Variants in FAM76A observed in about 807,000 individuals in gnomAD.
FAM76A encodes protein FAM76A.
Under a neutral mutation model 46.2 loss-of-function variants are expected in FAM76A, and 32 were observed. The ratio of observed to expected loss-of-function variants is 0.69; its 90% confidence interval spans 0.52 to 0.93. FAM76A has a LOEUF of 0.93. FAM76A is among the 40% of genes least tolerant of loss of function. FAM76A has a pLI of 0.00. For synonymous variants in FAM76A, 137 were observed against 127.0 expected (o/e 1.08, Z -0.53); for missense variants, 274 against 361.5 (o/e 0.76, Z 1.96).
rs2088530110 is a variant in FAM76A at position 27,762,890 on chromosome 1, T to TA, written c.*2309_*2310insA. The TA allele has an allele frequency of 6.6e-6, 1 of 152,188 alleles. No individual in the cohort carries two copies. Among genetic ancestry groups the TA allele is most frequent in the Non-Finnish European group, 1.5e-5 (1 of 68,040 alleles). The allele number at this position is 152,188 out of a possible 1,614,324, so 9.4% of individuals were successfully genotyped here. A position where few individuals can be genotyped will look rare whatever the true frequency, so the allele number is the denominator to read the frequency against. On this transcript the variant is annotated 3_prime_UTR_variant, in exon 9 of 9. Coordinates refer to ENST00000373954, the MANE Select transcript of FAM76A (RefSeq NM_152660.3). ...TTAATATAAAGCAAATTCACACGTT[T>TA]TCTAACTTTCCATAAGTTCCAAAAA... is the stretch of plus-strand genomic sequence containing the variant.
At chr1:27,753,092 AGAGGTTGTGGTGAGCTG>A (rs1034410288) in intron 6 of FAM76A, among the ~76,000 whole-genome samples, 2 of 152,128 alleles carry the variant, frequency 1.3e-5, no homozygotes, top group Admixed American at 6.6e-5. Flanking sequence ...CCCAGGAGGC[AGAGGTTGTGGTGAGCTG>A]GAGGTTGTGG....
At chr1:27,759,764 A>AGGTTTTTTTTTTT in intron 8 of FAM76A, 137 bp downstream of exon 8, 1 of 566,668 alleles carries the variant, frequency 1.8e-6, no homozygotes. Context: ...TCCCCCTTTT[A>AGGTTTTTTTTTTT]GGTTTTTTTT....
Position 27,726,019 on chromosome 1 carries a change from C to G in FAM76A, c.-62C>G, listed in dbSNP as rs1268461508. 5 of 1,227,524 alleles carry G rather than the reference C, an allele frequency of 4.1e-6. No individual in the cohort carries two copies. The highest frequency in any genetic ancestry group is 5.1e-6 in the Non-Finnish European group (5 of 976,126). The allele number at this position is 1,227,524 out of a possible 1,614,324, so 76.0% of individuals were successfully genotyped here. The stretch of plus-strand genomic sequence containing the variant: ...CTGCAGCCGCCGCCGGGTTGTGCCT[C>G]AGACTGTCAGATAAATCGGCGGGCC... On this transcript the variant is annotated 5_prime_UTR_variant, in exon 1 of 9. Coordinates refer to ENST00000373954, the MANE Select transcript of FAM76A (RefSeq NM_152660.3).
intron 4 of FAM76A, among the ~76,000 whole-genome samples, chr1:27,742,469 G>A (rs779780756): frequency 2.2e-4 from 34 of 152,172 alleles, no homozygotes; most frequent in Non-Finnish European, 3.4e-4. Flanking sequence ...GCCACCACGA[G>A]GGACTGGGCC....
chr1:27,729,645 A>G (rs1002568176), intron 2 of FAM76A, among the ~76,000 whole-genome samples: 4 of 152,128 alleles, frequency 2.6e-5, no homozygotes, highest in African/African-American at 7.2e-5. Context: ...CTCCATCACT[A>G]TATCAATTCA....
Position 27,744,659 on chromosome 1 carries a change from T to TG in FAM76A, c.363dup (p.Lys122GlufsTer27). 6.2e-7 allele frequency: 1 copy of TG among 1,613,858 alleles called. No individual in the cohort carries two copies. Among genetic ancestry groups the TG allele is most frequent in the Non-Finnish European group, 8.5e-7 (1 of 1,179,864 alleles). On this transcript the variant is annotated frameshift_variant, in exon 5 of 9. Transcript: ENST00000373954. LOFTEE classifies it high-confidence loss of function. ...TTTGTCTCCTTGTCTTTCAGGTAGA[T>TG]GGGAAATTGCTGTGCTGGCTGTGCA... is the stretch of plus-strand genomic sequence containing the variant.
chr1:27,754,403 G>A (rs2088378639), intron 6 of FAM76A, among the ~76,000 whole-genome samples: 1 of 152,144 alleles, frequency 6.6e-6, no homozygotes, highest in Non-Finnish European at 1.5e-5. Flanking sequence ...ACCGCGCCCG[G>A]CCTAAAACTG....
chr1:27,757,388 A>T (rs181314289), intron 7 of FAM76A, among the ~76,000 whole-genome samples: 28 of 151,358 alleles, frequency 1.8e-4, no homozygotes, highest in Middle Eastern at 6.8e-3. Flanking sequence ...TTTGATTGAG[A>T]CAGGGTCTTG....
At chr1:27,746,360 A>C (rs868436708) in intron 5 of FAM76A, among the ~76,000 whole-genome samples, 1 of 152,198 alleles carries the variant, frequency 6.6e-6, no homozygotes, top group Non-Finnish European at 1.5e-5. Flanking sequence ...AGTTTGAAGC[A>C]TGAAGAATTA....
In FAM76A at chr1:27,726,006, C is replaced by T. The variant is rs1571459404; in HGVS notation, c.-75C>T. 8.6e-7 allele frequency: 1 copy of T among 1,168,714 alleles called. No individual in the cohort carries two copies. The highest frequency in any genetic ancestry group is 3.3e-5 in the East Asian group (1 of 30,340). 72.4% of individuals were successfully genotyped at this position (1,168,714 alleles called of 1,614,324 possible). ...CGCAGCCAGCAGCCTGCAGCCGCCG[C>T]CGGGTTGTGCCTCAGACTGTCAGAT... is the stretch of plus-strand genomic sequence containing the variant. On this transcript the variant is annotated 5_prime_UTR_variant, in exon 1 of 9. Coordinates refer to ENST00000373954, the MANE Select transcript of FAM76A (RefSeq NM_152660.3).
intron 4 of FAM76A, chr1:27,740,175 C>G: frequency 1.8e-6 from 1 of 553,268 alleles, no homozygotes; most frequent in Non-Finnish European, 3.4e-6. Flanking sequence ...CAAGCTGGAA[C>G]AGTGGGTAAA....
Position 27,762,393 on chromosome 1 carries a change from G to C in FAM76A, c.*1812G>C, listed in dbSNP as rs1571507480. 6.6e-6 allele frequency: 1 copy of C among 152,060 alleles called. No individual in the cohort carries two copies. Among genetic ancestry groups the C allele is most frequent in the African/African-American group, 2.4e-5 (1 of 41,400 alleles). The allele number at this position is 152,060 out of a possible 1,614,324, so 9.4% of individuals were successfully genotyped here. A position where few individuals can be genotyped will look rare whatever the true frequency, so the allele number is the denominator to read the frequency against. On this transcript the variant is annotated 3_prime_UTR_variant, in exon 9 of 9. Coordinates refer to ENST00000373954, the MANE Select transcript of FAM76A (RefSeq NM_152660.3). ...GTACTAGAGTTAGAAATAATAATGA[G>C]GGCAGATAACATTTGTACCTCAGTC...
rs1041279250 is a variant in FAM76A at position 27,734,199 on chromosome 1, T to C, written c.354+16T>C. 6.4e-7 allele frequency: 1 copy of C among 1,564,482 alleles called. No individual in the cohort carries two copies. Among genetic ancestry groups the C allele is most frequent in the Non-Finnish European group, 8.6e-7 (1 of 1,160,426 alleles). On this transcript the variant is annotated intron_variant, in intron 4 of 8. Transcript: ENST00000373954. ...TAGAAAGAAGGTAAATCTCTGTTTT[T>C]CTTGATTTCTTTTTTTCCTTTCAGA... is the stretch of plus-strand genomic sequence containing the variant.
chr1:27,760,611 C>T lies in FAM76A; in HGVS notation c.*30C>T, dbSNP rs1203168162. On this transcript the variant is annotated 3_prime_UTR_variant, in exon 9 of 9. Coordinates refer to ENST00000373954, the MANE Select transcript of FAM76A (RefSeq NM_152660.3). ...CCTCAAGGAGGCTCCCTAGCAACAGCAAATGGAGTTGTCCAGGGTTAGGGT... is the reference window on the plus strand; with the variant it reads ...CCTCAAGGAGGCTCCCTAGCAACAGTAAATGGAGTTGTCCAGGGTTAGGGT... The T allele has an allele frequency of 1.9e-6, 3 of 1,542,828 alleles. No homozygotes were observed. The highest frequency in any genetic ancestry group is 2.3e-5 in the East Asian group (1 of 43,958).
intron 2 of FAM76A, among the ~76,000 whole-genome samples, chr1:27,728,444 C>T (rs2087899995): frequency 6.6e-6 from 1 of 151,762 alleles, no homozygotes. Context: ...CCTGGACCTC[C>T]CGGGCCCAAG....
chr1:27,729,240 C>T (rs1050565045), intron 2 of FAM76A, among the ~76,000 whole-genome samples: 1 of 151,272 alleles, frequency 6.6e-6, no homozygotes, highest in African/African-American at 2.4e-5. Flanking sequence ...CAGGGTCTCT[C>T]TCTGTCACCC....
intron 5 of FAM76A, among the ~76,000 whole-genome samples, chr1:27,745,785 C>T (rs900350677): frequency 1.3e-5 from 2 of 152,162 alleles, no homozygotes; most frequent in Non-Finnish European, 2.9e-5. Context: ...TGGGCAGAGG[C>T]ATTCTAGGCT....
intron 5 of FAM76A, among the ~76,000 whole-genome samples, chr1:27,746,074 G>A (rs1427886693): frequency 6.6e-6 from 1 of 151,658 alleles, no homozygotes; most frequent in African/African-American, 2.4e-5. Context: ...AAAGGGACTG[G>A]GGGCTAATTA....
At chr1:27,744,285 T>C (rs2088204711) in intron 4 of FAM76A, among the ~76,000 whole-genome samples, 1 of 152,052 alleles carries the variant, frequency 6.6e-6, no homozygotes, top group African/African-American at 2.4e-5. Context: ...CACGACACTA[T>C]GCCTGGCTAA....
Sources: gnomAD v4.1 joint callset for allele counts (sites outside exome capture counted in the v4.1 genomes callset) on GRCh38, gnomAD v4.1.1 for gene constraint, MANE v1.5 for transcripts, NCBI Gene and HGNC (gene_info 2026-07-23, HGNC 2026-07-21) for gene names.